The following TLK2 variants were observed in gnomAD, a reference collection of about 807,000 sequenced individuals.
TLK2 encodes tousled like kinase 2.
Under a neutral mutation model 117.3 loss-of-function variants are expected in TLK2, and 6 were observed. The observed-to-expected ratio is 0.05, with a 90% confidence interval of 0.03 to 0.10. TLK2 has a LOEUF of 0.10. Among genes scored for constraint, TLK2 ranks in the 10% least tolerant of loss-of-function variants. The pLI, the probability that TLK2 is intolerant of heterozygous loss-of-function variation, is 1.00. For synonymous variants in TLK2, 257 were observed against 316.7 expected, an observed-to-expected ratio of 0.81 and a Z score of 2.00; for missense variants, 299 against 901.2, an observed-to-expected ratio of 0.33 and a Z score of 8.56.
At chr17:62,474,655 G>T (rs1233630852), upstream of TLK2, among the ~76,000 whole-genome samples, 1 of 149,822 alleles carries the variant, frequency 6.7e-6, no homozygotes, top group Non-Finnish European at 1.5e-5. Context: ...TGATCTGCCC[G>T]CCTCGGCCTA....
chr17:62,567,516 T>C (rs2079893064), intron 11 of TLK2, among the ~76,000 whole-genome samples: 1 of 152,232 alleles, frequency 6.6e-6, no homozygotes, highest in Admixed American at 6.5e-5. Flanking sequence ...AAGATGTTTC[T>C]GGCTGATGTC....
At chr17:62,530,142 C>A (rs1157110986) in intron 6 of TLK2, among the ~76,000 whole-genome samples, 1 of 152,004 alleles carries the variant, frequency 6.6e-6, no homozygotes, top group Non-Finnish European at 1.5e-5. Flanking sequence ...GGCTTGGTGG[C>A]AGGTGCCTGT....
chr17:62,612,336 C>A (rs749402561), intron 21 of TLK2, 56 bp from the exon 22 acceptor site: 1 of 1,560,606 alleles, frequency 6.4e-7, no homozygotes, highest in African/African-American at 1.4e-5. Flanking sequence ...CCTTAGGGTT[C>A]CCTCCAGGGG....
intron 2 of TLK2, among the ~76,000 whole-genome samples, chr17:62,509,779 A>G (rs1218824876): frequency 6.6e-6 from 1 of 152,174 alleles, no homozygotes; most frequent in Non-Finnish European, 1.5e-5. Context: ...ACACCTTGCC[A>G]TGTGAGGACA....
intron 2 of TLK2, among the ~76,000 whole-genome samples, chr17:62,481,861 A>G (rs961674314): frequency 6.6e-6 from 1 of 152,226 alleles, no homozygotes; most frequent in Non-Finnish European, 1.5e-5. Context: ...TACAGTATGC[A>G]AAGTATATTT....
At chr17:62,490,291 T>G (rs1409019878) in intron 2 of TLK2, among the ~76,000 whole-genome samples, 1 of 152,258 alleles carries the variant, frequency 6.6e-6, no homozygotes, top group African/African-American at 2.4e-5. Flanking sequence ...ATCTAAATAC[T>G]TGGTAGTTTC....
upstream of TLK2, among the ~76,000 whole-genome samples, chr17:62,478,586 G>T (rs1020866822): frequency 1.3e-5 from 2 of 150,748 alleles, no homozygotes; most frequent in South Asian, 2.1e-4. Flanking sequence ...GCCGTCCGGC[G>T]AGGCGCGGCT....
chr17:62,539,074 T>G (rs2077319729), intron 7 of TLK2, among the ~76,000 whole-genome samples: 1 of 152,240 alleles, frequency 6.6e-6, no homozygotes, highest in South Asian at 2.1e-4. Context: ...GGTGATAGTT[T>G]AGAGATATAT....
chr17:62,595,490 G>A (rs1033471314), intron 16 of TLK2, among the ~76,000 whole-genome samples: 8 of 151,852 alleles, frequency 5.3e-5, no homozygotes, highest in African/African-American at 1.9e-4. Flanking sequence ...ACAAGCGCGA[G>A]TAATGCATTG....
At chr17:62,483,450 A>T (rs563203762) in intron 2 of TLK2, among the ~76,000 whole-genome samples, 1 of 152,210 alleles carries the variant, frequency 6.6e-6, no homozygotes, top group Non-Finnish European at 1.5e-5. Flanking sequence ...AGGAAATTCT[A>T]CCTTTAACAT....
intron 11 of TLK2, among the ~76,000 whole-genome samples, chr17:62,567,289 T>A (rs1308228385): frequency 6.6e-6 from 1 of 152,152 alleles, no homozygotes; most frequent in Non-Finnish European, 1.5e-5. Context: ...AGTAGCAATA[T>A]TTTATCTCTT....
rs773841906 is a variant in TLK2, at chr17:62,591,227, C to T, written c.1460+5001C>T. ...TGGCACCACTGCACCCCAGCCTGGG[C>T]GCCAGAGCAAGACTGTCTTAAAAAA... On this transcript the variant is annotated intron_variant, in intron 16 of 21. Coordinates refer to ENST00000346027, the MANE Select transcript of TLK2 (RefSeq NM_006852.6). Among the ~76,000 whole-genome samples the T allele has an allele frequency of 2.6e-4, 39 of 151,960 alleles. 1 individual carries two copies. The highest frequency in any genetic ancestry group is 9.2e-4 in the African/African-American group (38 of 41,340).
At chr17:62,504,826 A>C (rs557951947) in intron 2 of TLK2, among the ~76,000 whole-genome samples, 1 of 152,144 alleles carries the variant, frequency 6.6e-6, no homozygotes, top group Admixed American at 6.5e-5. Context: ...GTATATATAT[A>C]GTGCTAATTT....
chr17:62,548,234 A>ATG (rs1453535173), intron 7 of TLK2, among the ~76,000 whole-genome samples: 1 of 36,992 alleles, frequency 2.7e-5, no homozygotes, highest in Non-Finnish European at 8.6e-5. Flanking sequence ...GGCCATATAT[A>ATG]TATATATGTG....
At chr17:62,574,373 G>A in intron 12 of TLK2, 3 of 1,541,538 alleles carry the variant, frequency 1.9e-6, no homozygotes, top group South Asian at 2.4e-5. Flanking sequence ...AGAGCTAAAG[G>A]ATACAGCCCC....
chr17:62,505,718 A>G (rs537647057), intron 2 of TLK2, among the ~76,000 whole-genome samples: 16 of 151,886 alleles, frequency 1.1e-4, no homozygotes, highest in African/African-American at 3.9e-4. Context: ...CCTGCATCTT[A>G]TTGTTATACC....
intron 17 of TLK2, among the ~76,000 whole-genome samples, chr17:62,598,529 C>CTT (rs1206412003): frequency 6.7e-6 from 1 of 148,402 alleles, no homozygotes; most frequent in Non-Finnish European, 1.5e-5. Flanking sequence ...GGTTGTTTTC[C>CTT]TTTTTTTTTT....
At chr17:62,541,773 C>T (rs549575288) in intron 7 of TLK2, among the ~76,000 whole-genome samples, 3 of 151,842 alleles carry the variant, frequency 2.0e-5, no homozygotes, top group African/African-American at 7.2e-5. Context: ...CTAGAGTGCA[C>T]CACAGTAGCT....
intron 2 of TLK2, among the ~76,000 whole-genome samples, chr17:62,518,877 T>G (rs2075824294): frequency 6.6e-6 from 1 of 152,132 alleles, no homozygotes; most frequent in Non-Finnish European, 1.5e-5. Flanking sequence ...TTTATTTTAC[T>G]CATAACTGTT....
Sources: allele counts gnomAD v4.1 joint callset (sites outside exome capture counted in the v4.1 genomes callset), GRCh38; gene constraint gnomAD v4.1.1; transcripts MANE v1.5; gene names NCBI Gene and HGNC (gene_info 2026-07-23, HGNC 2026-07-21).